ARHGAP29: variants seen among roughly 807,000 people sequenced by gnomAD.
ARHGAP29 encodes rho GTPase-activating protein 29.
Under a neutral mutation model 122.6 loss-of-function variants are expected in ARHGAP29, and 43 were observed. That is an observed-to-expected ratio of 0.35 (90% CI 0.27 to 0.45). The LOEUF is 0.45. Ranked by LOEUF, ARHGAP29 falls within the 20% of genes least tolerant of loss-of-function variation. The pLI, the probability that ARHGAP29 is intolerant of heterozygous loss-of-function variation, is 1.00. For missense variants in ARHGAP29, 1,303 were observed against 1,477.2 expected, an observed-to-expected ratio of 0.88 and a Z score of 1.93; for synonymous variants, 506 against 497.1, an observed-to-expected ratio of 1.02 and a Z score of -0.24.
intron 2 of ARHGAP29, among the ~76,000 whole-genome samples, chr1:94,223,437 A>T (rs1423971526): frequency 6.6e-6 from 1 of 152,118 alleles, no homozygotes; most frequent in Non-Finnish European, 1.5e-5. Context: ...AAAAAAAAAG[A>T]TAAGGTAGCT....
At chr1:94,252,725 A>T (rs1654145548) in intron 1 of ARHGAP29, among the ~76,000 whole-genome samples, 1 of 151,964 alleles carries the variant, frequency 6.6e-6, no homozygotes, top group Non-Finnish European at 1.5e-5. Flanking sequence ...ATGAAAAAAA[A>T]AAAGAATCTT....
intron 12 of ARHGAP29, among the ~76,000 whole-genome samples, chr1:94,201,506 T>TTCTCTC (rs111304569): frequency 1.0e-3 from 146 of 141,406 alleles, no homozygotes; most frequent in African/African-American, 3.8e-3. Context: ...CCTTCCTTCC[T>TTCTCTC]TCTCTCTCTC....
At chr1:94,302,372 G>A in the ARHGAP29 span, 2 of 321,910 alleles carry the variant, frequency 6.2e-6, no homozygotes, top group African/African-American at 2.2e-5. Context: ...GGAGCCAAAA[G>A]GGTCATTACC....
intron 18 of ARHGAP29, among the ~76,000 whole-genome samples, 179 bp from the exon 19 acceptor site, chr1:94,184,467 T>C (rs1649668738): frequency 6.6e-6 from 1 of 152,082 alleles, no homozygotes; most frequent in Non-Finnish European, 1.5e-5. Flanking sequence ...TCTGAAAAAA[T>C]TTAGTTATTA....
upstream of ARHGAP29, chr1:94,237,608 TACCGCCACGGCCGC>T: frequency 2.0e-6 from 2 of 987,512 alleles, no homozygotes; most frequent in Non-Finnish European, 2.4e-6. Flanking sequence ...CCCCTGCAGC[TACCGCCACGGCCGC>T]ACCGCCCGCC....
intron 2 of ARHGAP29, among the ~76,000 whole-genome samples, chr1:94,223,120 A>G (rs572094441): frequency 6.6e-6 from 1 of 151,942 alleles, no homozygotes; most frequent in Non-Finnish European, 1.5e-5. Flanking sequence ...ATTTTTTTGT[A>G]TTTTTAGTAG....
At chr1:94,191,137 A>G (rs1301101456) in intron 12 of ARHGAP29, 1 of 152,160 alleles carries the variant, frequency 6.6e-6, no homozygotes, top group Non-Finnish European at 1.5e-5. Flanking sequence ...GTTTAAGATA[A>G]AGCTAAAAAA....
At chr1:94,193,622 A>G (rs1650263122) in intron 12 of ARHGAP29, 1 of 152,238 alleles carries the variant, frequency 6.6e-6, no homozygotes, top group African/African-American at 2.4e-5. Flanking sequence ...TACGGATGCC[A>G]TAAGGCAGTG....
At chr1:94,307,921 G>C in the ARHGAP29 span, among the ~76,000 whole-genome samples, 1 of 152,202 alleles carries the variant, frequency 6.6e-6, no homozygotes, top group Non-Finnish European at 1.5e-5. Context: ...CTTTGTTTCT[G>C]TACAGTTCTG....
At chr1:94,206,930 A>AAT (rs1479560900) in intron 5 of ARHGAP29, among the ~76,000 whole-genome samples, 1 of 149,742 alleles carries the variant, frequency 6.7e-6, no homozygotes, top group Admixed American at 6.7e-5. Flanking sequence ...ATATATGTAT[A>AAT]ATATATAGTT....
At chr1:94,261,080 C>T (rs1272485807) in intron 1 of ARHGAP29, among the ~76,000 whole-genome samples, 1 of 152,186 alleles carries the variant, frequency 6.6e-6, no homozygotes, top group Non-Finnish European at 1.5e-5. Context: ...ACCATCTCCA[C>T]TACCGAATTC....
the ARHGAP29 span, among the ~76,000 whole-genome samples, chr1:94,287,639 G>A: frequency 2.0e-5 from 3 of 151,938 alleles, no homozygotes; most frequent in African/African-American, 7.3e-5. Context: ...TTCTCCTAAT[G>A]CTATCCCCCC....
intron 1 of ARHGAP29, among the ~76,000 whole-genome samples, chr1:94,273,512 A>G (rs915847580): frequency 6.6e-6 from 1 of 152,034 alleles, no homozygotes; most frequent in African/African-American, 2.4e-5. Context: ...ACACTACTCC[A>G]CCCTCTGCAT....
intron 1 of ARHGAP29, among the ~76,000 whole-genome samples, chr1:94,254,238 G>T (rs1262748326): frequency 2.0e-5 from 3 of 152,130 alleles, no homozygotes; most frequent in Non-Finnish European, 4.4e-5. Context: ...TATTCTTCTT[G>T]ATGACGTATT....
At chr1:94,214,286 C>T (rs1436218016) in intron 3 of ARHGAP29, among the ~76,000 whole-genome samples, 1 of 152,178 alleles carries the variant, frequency 6.6e-6, no homozygotes, top group Non-Finnish European at 1.5e-5. Flanking sequence ...TATCTGTACA[C>T]AATCTGTAGT....
At chr1:94,260,755 G>C (rs1654529808) in intron 1 of ARHGAP29, among the ~76,000 whole-genome samples, 1 of 152,150 alleles carries the variant, frequency 6.6e-6, no homozygotes, top group Non-Finnish European at 1.5e-5. Flanking sequence ...AAGTTGGCTG[G>C]TAGTGGCAGG....
chr1:94,225,820 C>CTTAA (rs1302819702), intron 2 of ARHGAP29, among the ~76,000 whole-genome samples: 2 of 151,954 alleles, frequency 1.3e-5, no homozygotes, highest in African/African-American at 2.4e-5. Flanking sequence ...CAACCAAAGT[C>CTTAA]TTAATACTAG....
upstream of ARHGAP29, among the ~76,000 whole-genome samples, chr1:94,279,072 A>G (rs1424369222): frequency 6.6e-6 from 1 of 152,224 alleles, no homozygotes; most frequent in Non-Finnish European, 1.5e-5. Flanking sequence ...ACATTCATCT[A>G]TAGGTGTCAG....
intron 2 of ARHGAP29, among the ~76,000 whole-genome samples, chr1:94,220,875 T>C (rs1466287264): frequency 6.6e-6 from 1 of 152,184 alleles, no homozygotes. Flanking sequence ...AAAACTGAAT[T>C]AGTTGTCAAT....
Sources: gnomAD v4.1 joint callset for allele counts (sites outside exome capture counted in the v4.1 genomes callset) on GRCh38, gnomAD v4.1.1 for gene constraint, MANE v1.5 for transcripts, NCBI Gene and HGNC (gene_info 2026-07-23, HGNC 2026-07-21) for gene names.